The following NEB variants were observed in gnomAD, a reference collection of about 807,000 sequenced individuals.
NEB encodes nemaline myopathy type 2.
A neutral mutation model predicts 952.2 loss-of-function variants in NEB; 512 were observed. The observed-to-expected ratio is 0.54, with a 90% CI of 0.50 to 0.58. NEB has a LOEUF of 0.58. Among genes scored for constraint, NEB ranks in the 20% least tolerant of loss-of-function variants. NEB has a pLI of 0.00. For missense variants in NEB, 8,428 were observed against 9,231.1 expected, an observed-to-expected ratio of 0.91 and a Z score of 3.56; for synonymous variants, 2,900 against 3,149.8, an observed-to-expected ratio of 0.92 and a Z score of 2.66.
intron 153 of NEB, among the ~76,000 whole-genome samples, chr2:151,521,168 A>G (rs1278619711): frequency 6.6e-6 from 1 of 152,138 alleles, no homozygotes; most frequent in African/African-American, 2.4e-5. Context: ...ACCTCCCCCA[A>G]CTTGACACAT....
intron 145 of NEB, chr2:151,530,628 G>A (rs936743899): frequency 4.4e-5 from 8 of 180,446 alleles, no homozygotes; most frequent in East Asian, 1.4e-4. Flanking sequence ...TTTAAGCCAC[G>A]TGGAGACCCA....
rs1354048280 is a variant in NEB at position 151,533,433 on chromosome 2, A to C, written c.21417+9T>G. The C allele has an allele frequency of 2.0e-6, 3 of 1,533,704 alleles. No individual in the cohort carries two copies. The highest frequency in any genetic ancestry group is 8.8e-7 in the Non-Finnish European group (1 of 1,130,744). On this transcript the variant is annotated intron_variant, in intron 143 of 181. Coordinates refer to ENST00000397345, the MANE Select transcript of NEB (RefSeq NM_001164508.2). ...TAAACCTCCTTCTTCACATCCCATC[A>C]GACATTACCTGGCTCCACATATGCG...
intron 147 of NEB, 38 bp from the exon 148 acceptor site, chr2:151,527,060 A>T: frequency 1.5e-6 from 2 of 1,376,248 alleles, no homozygotes; most frequent in Non-Finnish European, 2.0e-6. Flanking sequence ...GGGAAGGGTG[A>T]CAGCACAGGA....
intron 65 of NEB, among the ~76,000 whole-genome samples, chr2:151,632,867 C>T (rs1416724996): frequency 1.3e-5 from 2 of 152,096 alleles, no homozygotes; most frequent in African/African-American, 2.4e-5. Context: ...GTGACATCAA[C>T]CCTTTTAAAC....
rs2097885194 is a variant in NEB, at chr2:151,609,894, T to C, written c.12245A>G (p.Tyr4082Cys). Reference sequence around the variant, plus strand: ...TGTCCATTCATGCAGGTAATTGCGATAATCAATGTCAGTGACCAAAGTCTG... The same window carrying C: ...TGTCCATTCATGCAGGTAATTGCGACAATCAATGTCAGTGACCAAAGTCTG... ...KCQTLVTDID[Y>C]RNYLHEWTCM... The change falls in exon 81 of 182, where the codon TAT becomes TGT. Residue 4082 changes from tyrosine to cysteine, a missense_variant. Tyr to Cys is a radical substitution (Grantham distance 194). Transcript: ENST00000397345. The C allele has an allele frequency of 6.2e-7, 1 of 1,613,718 alleles. No homozygotes were observed. Among genetic ancestry groups the C allele is most frequent in the South Asian group, 1.1e-5 (1 of 91,058 alleles).
chr2:151,628,518 C>T (rs2154064713), intron 68 of NEB, among the ~76,000 whole-genome samples: 1 of 152,134 alleles, frequency 6.6e-6, no homozygotes, highest in Middle Eastern at 3.4e-3. Context: ...GACAACACAC[C>T]ACACCAATCC....
chr2:151,664,731 C>T, intron 43 of NEB, 28 bp downstream of exon 43: 8 of 1,574,144 alleles, frequency 5.1e-6, no homozygotes, highest in Non-Finnish European at 7.0e-6. Flanking sequence ...ACCTTCTCCC[C>T]AGCTTTTGCT....
intron 68 of NEB, among the ~76,000 whole-genome samples, chr2:151,628,985 T>C (rs2098598842): frequency 6.6e-6 from 1 of 152,112 alleles, no homozygotes. Context: ...GAGGAGAAAT[T>C]AGGTTCACCA....
intron 11 of NEB, 67 bp from the exon 12 acceptor site, chr2:151,709,830 G>T: frequency 1.6e-6 from 2 of 1,251,788 alleles, no homozygotes; most frequent in Non-Finnish European, 1.1e-6. Context: ...TCCATGAGAA[G>T]ACACAGGGAT....
intron 39 of NEB, 38 bp from the exon 40 acceptor site, chr2:151,667,949 A>G: frequency 2.6e-6 from 4 of 1,520,310 alleles, no homozygotes; most frequent in Non-Finnish European, 3.6e-6. Context: ...ATTTGACATC[A>G]TTAAAAGAGG....
intron 157 of NEB, among the ~76,000 whole-genome samples, chr2:151,515,872 G>C (rs181450572): frequency 6.6e-6 from 1 of 152,218 alleles, no homozygotes; most frequent in African/African-American, 2.4e-5. Context: ...TATAGTTGGA[G>C]GAAGAGAGGC....
chr2:151,494,524 G>T (rs1368767334), intron 173 of NEB, among the ~76,000 whole-genome samples: 1 of 152,132 alleles, frequency 6.6e-6, no homozygotes, highest in Non-Finnish European at 1.5e-5. Context: ...TCATTTTACC[G>T]CTAGTCTCTC....
intron 60 of NEB, 56 bp downstream of exon 60, chr2:151,642,518 A>G (rs1417445068): frequency 3.5e-6 from 5 of 1,428,560 alleles, no homozygotes; most frequent in Non-Finnish European, 4.9e-6. Context: ...AATCCAGGAG[A>G]GAGAAATAAA....
chr2:151,518,513 C>A, intron 155 of NEB, 91 bp from the exon 156 acceptor site: 1 of 783,466 alleles, frequency 1.3e-6, no homozygotes, highest in Non-Finnish European at 2.1e-6. Context: ...TACACAGCAC[C>A]ATTGTCAAGA....
chr2:151,553,090 C>T (rs2095431759), intron 127 of NEB, among the ~76,000 whole-genome samples: 1 of 152,198 alleles, frequency 6.6e-6, no homozygotes, highest in Non-Finnish European at 1.5e-5. Context: ...ATTGCAAACA[C>T]TAACAAATCA....
chr2:151,531,591 A>ACAGGCATAAGCCACCACGC (rs1301039015), intron 144 of NEB, among the ~76,000 whole-genome samples: 7 of 152,186 alleles, frequency 4.6e-5, no homozygotes, highest in Non-Finnish European at 7.3e-5. Context: ...TGCTGGAATT[A>ACAGGCATAAGCCACCACGC]CAGGCATAAG....
At position 151,643,172 on chromosome 2, in the gene NEB, T is replaced by C; in HGVS notation, c.8138A>G (p.Asn2713Ser). ...MDSIPMVLAK[N>S]NAITMNHRLY... ...TACATGATTCATGGTAATAGCATTGTTTTTTGCCAAAACCATTGGTATGGA... is the reference window on the plus strand; with the variant it reads ...TACATGATTCATGGTAATAGCATTGCTTTTTGCCAAAACCATTGGTATGGA... The change falls in exon 58 of 182, where the codon AAC becomes AGC. Residue 2713 changes from asparagine to serine, a missense_variant. Transcript: ENST00000397345. 6.2e-7 allele frequency: 1 copy of C among 1,613,440 alleles called. No individual in the cohort carries two copies. Among genetic ancestry groups the C allele is most frequent in the Middle Eastern group, 1.7e-4 (1 of 5,962 alleles).
intron 179 of NEB, among the ~76,000 whole-genome samples, chr2:151,490,997 T>G (rs1190173686): frequency 3.3e-5 from 5 of 152,054 alleles, no homozygotes; most frequent in Non-Finnish European, 7.4e-5. Flanking sequence ...ATCAGAAAAC[T>G]GGAGTATAAA....
At position 151,654,056 on chromosome 2, in the gene NEB, T is replaced by C. The variant is rs778637750; in HGVS notation, c.6851A>G (p.Tyr2284Cys). 19 of 1,611,480 alleles carry C rather than the reference T, an allele frequency of 1.2e-5. No homozygotes were observed. The highest frequency in any genetic ancestry group is 4.4e-5 in the South Asian group (4 of 90,586). The part of the protein sequence containing the change: ...LGWEEALKKG[Y>C]DLPVDAISVQ... ...AGAAATTGCATCAACTGGGAGATCA[T>C]AGCCTTTCTTCAAAGCTTCTTCCCA... Residue 2284 changes from tyrosine to cysteine, a missense_variant, in exon 52 of 182, where the codon TAT becomes TGT. Tyr to Cys is a radical substitution (Grantham distance 194). Around this residue, in one of 11 missense-constraint regions of NEB, gnomAD observed 2,851 missense variants for 2,791.5 expected, o/e 1.02. Transcript: ENST00000397345.
Sources: allele counts gnomAD v4.1 joint callset (sites outside exome capture counted in the v4.1 genomes callset), GRCh38; gene constraint gnomAD v4.1.1; regional missense constraint gnomAD v4.1.1; transcripts MANE v1.5; gene names NCBI Gene and HGNC (gene_info 2026-07-23, HGNC 2026-07-21).